Variants in POLR3B observed in about 807,000 individuals in gnomAD.
POLR3B encodes DNA-directed RNA polymerase III subunit RPC2.
A neutral mutation model predicts 147.4 loss-of-function variants in POLR3B; 96 were observed. The ratio of observed to expected loss-of-function variants is 0.65; its 90% CI spans 0.55 to 0.77. POLR3B has a LOEUF of 0.77. POLR3B is among the 30% of genes least tolerant of loss of function. POLR3B has a pLI of 0.00. For missense variants in POLR3B, 1,036 were observed against 1,413.5 expected (o/e 0.73, Z 4.28); for synonymous variants, 461 against 485.9 (o/e 0.95, Z 0.67).
intron 6 of POLR3B, among the ~76,000 whole-genome samples, chr12:106,370,636 T>G (rs1397463204): frequency 2.7e-5 from 4 of 150,072 alleles, no homozygotes; most frequent in Non-Finnish European, 4.5e-5. Context: ...TTATTGTTTT[T>G]TTTTTTTTTT....
intron 10 of POLR3B, among the ~76,000 whole-genome samples, chr12:106,395,508 G>A (rs540003764): frequency 2.0e-4 from 30 of 152,218 alleles, no homozygotes; most frequent in African/African-American, 7.0e-4. Flanking sequence ...AATCAGACAT[G>A]AGAAATCCAT....
intron 12 of POLR3B, among the ~76,000 whole-genome samples, chr12:106,415,340 G>A (rs2037287124): frequency 6.6e-6 from 1 of 152,222 alleles, no homozygotes; most frequent in Non-Finnish European, 1.5e-5. Context: ...GGAATGATGT[G>A]TCAGCCAAAT....
At chr12:106,430,155 C>G in intron 13 of POLR3B, 118 bp from the exon 14 acceptor site, 2 of 794,094 alleles carry the variant, frequency 2.5e-6, no homozygotes. Flanking sequence ...GAATATATGT[C>G]ATGGTTCTAA....
rs1850919593 is a variant in POLR3B at position 106,479,468 on chromosome 12, C to T, written c.2713+15848C>T. Among the ~76,000 whole-genome samples the T allele has an allele frequency of 2.6e-5, 4 of 151,824 alleles. No homozygotes were observed. In the South Asian group the frequency reaches 6.2e-4, roughly 24 times the overall value. On this transcript the variant is annotated intron_variant, in intron 23 of 27. Coordinates refer to ENST00000228347, the MANE Select transcript of POLR3B (RefSeq NM_018082.6). ...CAATCTTGGCTCACTGCAAGCTCTG[C>T]CTCCTGGGTTCATGCCATTCTCCTG...
chr12:106,501,848 T>G (rs574477371), intron 26 of POLR3B, among the ~76,000 whole-genome samples: 1 of 152,310 alleles, frequency 6.6e-6, no homozygotes, highest in Admixed American at 6.5e-5. Context: ...AATTGGAGTT[T>G]TTTAAAACTA....
At chr12:106,444,339 G>T (rs985992737) in intron 18 of POLR3B, 124 bp from the exon 19 acceptor site, 1 of 864,998 alleles carries the variant, frequency 1.2e-6, no homozygotes, top group Non-Finnish European at 1.9e-6. Context: ...AGTTTTACTA[G>T]CATCAAATTT....
chr12:106,433,509 A>G (rs1347491727), intron 15 of POLR3B, among the ~76,000 whole-genome samples: 1 of 152,222 alleles, frequency 6.6e-6, no homozygotes, highest in East Asian at 1.9e-4. Context: ...TGACTTTTCC[A>G]GTATTCCTCA....
Position 106,504,047 on chromosome 12 carries a change from T to A in POLR3B, c.3099-34T>A, listed in dbSNP as rs749422823. 1.3e-6 allele frequency: 2 copies of A among 1,599,926 alleles called. No homozygotes were observed. Among genetic ancestry groups the A allele is most frequent in the Admixed American group, 1.7e-5 (1 of 60,018 alleles). Reference sequence around the variant, plus strand: ...CTACCTCTTTGTTTGTTTAACAGAATAATAACACATTTGTCTAATAACTTG... The same window carrying A: ...CTACCTCTTTGTTTGTTTAACAGAAAAATAACACATTTGTCTAATAACTTG... On this transcript the variant is annotated intron_variant, in intron 26 of 27. Coordinates refer to ENST00000228347, the MANE Select transcript of POLR3B (RefSeq NM_018082.6). The surrounding 1 kb of genome is among the most constrained non-coding windows in gnomAD (Gnocchi z 4.6).
At chr12:106,395,402 AAGAGAGCG>A (rs1379497565) in intron 10 of POLR3B, among the ~76,000 whole-genome samples, 1 of 152,132 alleles carries the variant, frequency 6.6e-6, no homozygotes, top group Non-Finnish European at 1.5e-5. Flanking sequence ...GAGTGAGAGC[AAGAGAGCG>A]TGAGGGAGGA....
intron 6 of POLR3B, among the ~76,000 whole-genome samples, chr12:106,374,518 G>GT (rs754932069): frequency 0.011 from 1,609 of 143,056 alleles, 10 homozygotes; most frequent in Middle Eastern, 0.04. Context: ...TTTGTGGCAT[G>GT]TTTTTTTTTT....
At chr12:106,407,963 A>G (rs984553430) in intron 11 of POLR3B, among the ~76,000 whole-genome samples, 1 of 152,212 alleles carries the variant, frequency 6.6e-6, no homozygotes, top group African/African-American at 2.4e-5. Context: ...TTTGTTTTCC[A>G]GAATTGTTTT....
chr12:106,405,447 A>G (rs2037137133), intron 10 of POLR3B, among the ~76,000 whole-genome samples: 1 of 151,590 alleles, frequency 6.6e-6, no homozygotes, highest in African/African-American at 2.4e-5. Context: ...GGGGTCTTAC[A>G]TGGTATGATT....
chr12:106,458,339 G>C (rs181347925), intron 21 of POLR3B, among the ~76,000 whole-genome samples: 1 of 152,082 alleles, frequency 6.6e-6, no homozygotes, highest in Non-Finnish European at 1.5e-5. Flanking sequence ...GTCCAGGCTT[G>C]TCTTGAACTC....
intron 15 of POLR3B, 141 bp downstream of exon 15, chr12:106,432,621 A>G (rs1283914586): frequency 7.2e-5 from 55 of 762,084 alleles, no homozygotes; most frequent in South Asian, 7.0e-4. Flanking sequence ...AGAAAATACA[A>G]TGATAACAGA....
chr12:106,378,576 G>C (rs1275775768), intron 8 of POLR3B, among the ~76,000 whole-genome samples, 192 bp downstream of exon 8: 3 of 152,014 alleles, frequency 2.0e-5, no homozygotes, highest in South Asian at 2.1e-4. Context: ...TCAGTGATGG[G>C]AGTCTGAGAC....
chr12:106,465,961 C>T (rs1329249096), intron 23 of POLR3B, among the ~76,000 whole-genome samples: 1 of 151,882 alleles, frequency 6.6e-6, no homozygotes, highest in Non-Finnish European at 1.5e-5. Flanking sequence ...GATTTGTAAT[C>T]CTTTGGGTAT....
At position 106,502,665 on chromosome 12, in the gene POLR3B, C is replaced by A. The variant is rs553429914; in HGVS notation, c.3098+1229C>A. Among the ~76,000 whole-genome samples the A allele has an allele frequency of 2.0e-5, 3 of 151,962 alleles. No individual in the cohort carries two copies. The East Asian group carries it at 5.8e-4, about 29-fold the overall frequency. On this transcript the variant is annotated intron_variant, in intron 26 of 27. Coordinates refer to ENST00000228347, the MANE Select transcript of POLR3B (RefSeq NM_018082.6). ...GGTGTAGTTGACTCAATTCTTTGAC[C>A]ATTTAAAACTGAGCACATGCACGTG...
chr12:106,509,660 C>A lies in POLR3B; in HGVS notation c.*111C>A. ...TGTGAAGAATTCCCTTGCGTATTCT[C>A]TCTCTAAAACAACCAAAAAAAAATG... On this transcript the variant is annotated 3_prime_UTR_variant, in exon 28 of 28. Transcript: ENST00000228347. 9.9e-7 allele frequency: 1 copy of A among 1,008,534 alleles called. No homozygotes were observed. The highest frequency in any genetic ancestry group is 1.5e-6 in the Non-Finnish European group (1 of 669,266). 62.5% of individuals were successfully genotyped at this position (1,008,534 alleles called of 1,614,324 possible). A position where few individuals can be genotyped will look rare whatever the true frequency, so the allele number is the denominator to read the frequency against.
chr12:106,358,034 G>A, intron 1 of POLR3B, 83 bp downstream of exon 1: 2 of 1,572,918 alleles, frequency 1.3e-6, no homozygotes, highest in Non-Finnish European at 1.7e-6. Flanking sequence ...GCCGCCAAGG[G>A]GGCGGGCTGG....
Sources: allele counts gnomAD v4.1 joint callset (sites outside exome capture counted in the v4.1 genomes callset), GRCh38; gene constraint gnomAD v4.1.1; non-coding constraint Gnocchi (gnomAD v3.1); transcripts MANE v1.5; gene names NCBI Gene and HGNC (gene_info 2026-07-23, HGNC 2026-07-21).